Variants in PTPRN2 observed in about 807,000 individuals in gnomAD.
PTPRN2 encodes receptor-type tyrosine-protein phosphatase N2.
A neutral mutation model predicts 118.8 loss-of-function variants in PTPRN2; 74 were observed. That is an observed-to-expected ratio of 0.62 (90% CI 0.52 to 0.76). PTPRN2 has a LOEUF of 0.76. Among genes scored for constraint, PTPRN2 ranks in the 30% least tolerant of loss-of-function variants. The probability of loss-of-function intolerance (pLI) is 0.00; values close to 1 mark genes in which losing one functional copy is unlikely to be tolerated. For missense variants in PTPRN2, 1,481 were observed against 1,394.4 expected (o/e 1.06, Z -0.99); for synonymous variants, 641 against 608.0 (o/e 1.05, Z -0.80).
At chr7:158,448,705 C>T (rs558211749) in intron 2 of PTPRN2, among the ~76,000 whole-genome samples, 16 of 152,328 alleles carry the variant, frequency 1.1e-4, no homozygotes, top group African/African-American at 3.6e-4. Context: ...CCAGGGCAGG[C>T]CCCAGTGAGA....
intron 12 of PTPRN2, among the ~76,000 whole-genome samples, chr7:157,737,014 G>A (rs367726300): frequency 5.3e-5 from 8 of 152,238 alleles, no homozygotes; most frequent in African/African-American, 1.9e-4. Flanking sequence ...CGAGTCTCCC[G>A]GGGGCAATGC....
chr7:158,199,616 G>T (rs1298453409), intron 4 of PTPRN2, among the ~76,000 whole-genome samples: 1 of 152,228 alleles, frequency 6.6e-6, no homozygotes. Flanking sequence ...CTGGCCCATG[G>T]TGGATTCTTG....
At chr7:157,556,381 C>G (rs2150480561) in intron 21 of PTPRN2, among the ~76,000 whole-genome samples, 1 of 151,310 alleles carries the variant, frequency 6.6e-6, no homozygotes, top group South Asian at 2.1e-4. Flanking sequence ...CATGCACACA[C>G]CACACAACAC....
At chr7:157,967,528 C>T (rs1393342316) in intron 11 of PTPRN2, among the ~76,000 whole-genome samples, 3 of 152,108 alleles carry the variant, frequency 2.0e-5, no homozygotes, top group Non-Finnish European at 2.9e-5. Flanking sequence ...TTTGTTGGAC[C>T]GTAAAGCAAT....
intron 11 of PTPRN2, among the ~76,000 whole-genome samples, chr7:158,063,042 G>A (rs1161966177): frequency 2.0e-5 from 3 of 152,270 alleles, no homozygotes; most frequent in African/African-American, 7.2e-5. Context: ...CCTGAGTCTA[G>A]TGAGGACTTG....
intron 11 of PTPRN2, among the ~76,000 whole-genome samples, chr7:157,980,598 A>C (rs530766504): frequency 1.3e-5 from 2 of 152,220 alleles, no homozygotes; most frequent in East Asian, 3.9e-4. Context: ...TAAAACTATA[A>C]AAATTAGCTG....
At position 157,610,681 on chromosome 7, in the gene PTPRN2, C is replaced by T. The variant is rs1223065404; in HGVS notation, c.2345-6606G>A. Among the ~76,000 whole-genome samples, 1 of 152,276 alleles carries T rather than the reference C, an allele frequency of 6.6e-6. No homozygotes were observed. Among genetic ancestry groups the T allele is most frequent in the Admixed American group, 6.5e-5 (1 of 15,304 alleles). Reference sequence around the variant, plus strand: ...GGCAAAGGAATAAATGATCGGACCACGTTTGTTTCAATACTCTGAGAAGCT... The same window carrying T: ...GGCAAAGGAATAAATGATCGGACCATGTTTGTTTCAATACTCTGAGAAGCT... On this transcript the variant is annotated intron_variant, in intron 15 of 22. Transcript: ENST00000389418. This position sits in a 1 kb window ranked among gnomAD's most constrained non-coding sequence, Gnocchi z 5.1.
intron 1 of PTPRN2, among the ~76,000 whole-genome samples, chr7:158,560,024 C>G (rs1827276560): frequency 6.6e-6 from 1 of 152,252 alleles, no homozygotes; most frequent in Admixed American, 6.5e-5. Context: ...CTTTCCCCTG[C>G]TCCGTTCCAC....
At position 158,249,153 on chromosome 7, in the gene PTPRN2, T is replaced by C. The variant is rs1033577119; in HGVS notation, c.278-43880A>G. Among the ~76,000 whole-genome samples, 14 of 149,778 alleles carry C rather than the reference T, an allele frequency of 9.3e-5. No homozygotes were observed. The South Asian group carries it at 3.0e-3, about 32-fold the overall frequency. On this transcript the variant is annotated intron_variant, in intron 3 of 22. Transcript: ENST00000389418. ...ACACCACACGTGAATCACATATTCA[T>C]ATCACCACACACGTGCACACAGCAC...
intron 11 of PTPRN2, among the ~76,000 whole-genome samples, chr7:157,904,952 T>C (rs6951940): frequency 0.026 from 3,958 of 152,248 alleles, 176 homozygotes; most frequent in African/African-American, 0.089. Context: ...CCTGTGGGTC[T>C]CAGGGCACCC....
chr7:157,752,073 G>A (rs1475833496), intron 12 of PTPRN2, among the ~76,000 whole-genome samples: 6 of 152,146 alleles, frequency 3.9e-5, no homozygotes. Context: ...CTCCCAAGCA[G>A]GATCCACGAG....
intron 14 of PTPRN2, among the ~76,000 whole-genome samples, chr7:157,643,412 C>A (rs918883149): frequency 3.2e-4 from 49 of 152,210 alleles, no homozygotes; most frequent in Admixed American, 2.6e-3. Flanking sequence ...GAGTTCCACA[C>A]CCTCAATAAA....
At chr7:157,542,323 T>C (rs551386712) in intron 22 of PTPRN2, among the ~76,000 whole-genome samples, 1 of 152,330 alleles carries the variant, frequency 6.6e-6, no homozygotes, top group South Asian at 2.1e-4. Context: ...CTGTGAGGGC[T>C]TGGAGATGCC....
At chr7:158,147,355 C>T (rs1205356609) in intron 6 of PTPRN2, among the ~76,000 whole-genome samples, 310 of 74,362 alleles carry the variant, frequency 4.2e-3, no homozygotes, top group East Asian at 6.7e-3. Flanking sequence ...TCTCACGCCA[C>T]GTATCTTTCC....
At chr7:158,149,570 A>G (rs1023205541) in intron 6 of PTPRN2, among the ~76,000 whole-genome samples, 2 of 152,102 alleles carry the variant, frequency 1.3e-5, no homozygotes, top group Admixed American at 6.5e-5. Context: ...TTGGGGTCCG[A>G]GGTGGGTGGA....
At chr7:157,793,680 C>T (rs1804670172) in intron 12 of PTPRN2, among the ~76,000 whole-genome samples, 1 of 152,176 alleles carries the variant, frequency 6.6e-6, no homozygotes, top group African/African-American at 2.4e-5. Flanking sequence ...TTTAAGTGTC[C>T]TGTCAGCAGC....
At chr7:158,348,547 C>T (rs1179428265) in intron 2 of PTPRN2, among the ~76,000 whole-genome samples, 1 of 152,128 alleles carries the variant, frequency 6.6e-6, no homozygotes, top group Non-Finnish European at 1.5e-5. Context: ...GTCCAGTATG[C>T]CCCACGTGAG....
chr7:158,028,793 G>C (rs1049206194), intron 11 of PTPRN2: 1 of 152,420 alleles, frequency 6.6e-6, no homozygotes, highest in African/African-American at 2.4e-5. Flanking sequence ...AAGCCCAGGA[G>C]GGCGGGGCAG....
At chr7:157,922,841 G>C (rs1300343292) in intron 11 of PTPRN2, among the ~76,000 whole-genome samples, 2 of 152,176 alleles carry the variant, frequency 1.3e-5, no homozygotes, top group Admixed American at 1.3e-4. Context: ...AGCTAATCCT[G>C]AGGTCACTCG....
Sources: allele counts gnomAD v4.1 joint callset (sites outside exome capture counted in the v4.1 genomes callset), GRCh38; gene constraint gnomAD v4.1.1; non-coding constraint Gnocchi (gnomAD v3.1); transcripts MANE v1.5; gene names NCBI Gene and HGNC (gene_info 2026-07-23, HGNC 2026-07-21).